Variants in RBFOX3 observed in about 807,000 individuals in gnomAD.
The protein encoded by RBFOX3 is RNA binding fox-1 homolog 3, also known as RNA binding protein fox-1 homolog 3.
A neutral mutation model predicts 48.7 loss-of-function variants in RBFOX3; 17 were observed. That is an observed-to-expected ratio of 0.35 (90% CI 0.24 to 0.52). The LOEUF (loss-of-function observed/expected upper bound fraction) is 0.52. Among genes scored for constraint, RBFOX3 ranks in the 20% least tolerant of loss-of-function variants. RBFOX3 has a pLI of 0.94. For synonymous variants in RBFOX3, 212 were observed against 209.5 expected, an observed-to-expected ratio of 1.01 and a Z score of -0.10; for missense variants, 382 against 497.5, an observed-to-expected ratio of 0.77 and a Z score of 2.21.
intron 2 of RBFOX3, among the ~76,000 whole-genome samples, chr17:79,343,010 G>A (rs1380333486): frequency 2.0e-5 from 3 of 151,938 alleles, no homozygotes; most frequent in African/African-American, 7.2e-5. Flanking sequence ...GAGAAACCTG[G>A]TAATGCTATA....
At chr17:79,469,843 C>T (rs889488501) in intron 2 of RBFOX3, among the ~76,000 whole-genome samples, 7 of 152,194 alleles carry the variant, frequency 4.6e-5, no homozygotes, top group South Asian at 4.2e-4. Context: ...AGCACGTGCA[C>T]GGAGGAGAGG....
In RBFOX3 at chr17:79,195,764, C is replaced by T. The variant is rs2055459477; in HGVS notation, c.-34+40002G>A. Among the ~76,000 whole-genome samples the T allele has an allele frequency of 6.6e-6, 1 of 152,204 alleles. No homozygotes were observed. The highest frequency in any genetic ancestry group is 2.4e-5 in the African/African-American group (1 of 41,432). ...CTCTGTTTTGGGGTTTGGGGATGAG[C>T]TCACAGGCAAATACTTCTGCTTCCT... is the stretch of plus-strand genomic sequence containing the variant. On this transcript the variant is annotated intron_variant, in intron 4 of 14. Transcript: ENST00000693108. This position sits in a 1 kb window ranked among gnomAD's most constrained non-coding sequence, Gnocchi z 5.3.
At chr17:79,383,069 CACACAG>C (rs1205267807) in intron 2 of RBFOX3, among the ~76,000 whole-genome samples, 1 of 144,024 alleles carries the variant, frequency 6.9e-6, no homozygotes, top group African/African-American at 2.5e-5. Context: ...CACACACACA[CACACAG>C]TGTGTAGAAT....
intron 4 of RBFOX3, among the ~76,000 whole-genome samples, chr17:79,227,379 T>G (rs2060430315): frequency 6.6e-6 from 1 of 152,208 alleles, no homozygotes; most frequent in Non-Finnish European, 1.5e-5. Flanking sequence ...GGTGTCCCCA[T>G]GGATGTCAGA....
chr17:79,544,733 C>T (rs928360537), intron 1 of RBFOX3, among the ~76,000 whole-genome samples: 2 of 151,878 alleles, frequency 1.3e-5, no homozygotes, highest in Non-Finnish European at 1.5e-5. Flanking sequence ...TCCCTGGAGC[C>T]GCCTCCTCGA....
chr17:79,632,646 G>A, the RBFOX3 span, among the ~76,000 whole-genome samples: 5 of 151,426 alleles, frequency 3.3e-5, no homozygotes, highest in Admixed American at 6.6e-5. Flanking sequence ...GCTCACACCT[G>A]TAATCCCAGC....
At chr17:79,453,342 G>A (rs1555742809) in intron 2 of RBFOX3, among the ~76,000 whole-genome samples, 1 of 152,220 alleles carries the variant, frequency 6.6e-6, no homozygotes, top group Non-Finnish European at 1.5e-5. Context: ...GGCCAGCAGA[G>A]ATGGCCATAG....
At chr17:79,534,389 C>G (rs1030044823) in intron 1 of RBFOX3, among the ~76,000 whole-genome samples, 3 of 152,192 alleles carry the variant, frequency 2.0e-5, no homozygotes, top group African/African-American at 4.8e-5. Context: ...GCGAGATGCT[C>G]AGGAGTGGCT....
intron 3 of RBFOX3, among the ~76,000 whole-genome samples, chr17:79,265,491 C>T (rs4789978): frequency 0.08 from 12,226 of 152,248 alleles, 593 homozygotes; most frequent in Admixed American, 0.13. Context: ...GTCCACTGGG[C>T]TGCCAGAAGG....
chr17:79,251,637 C>T (rs182024967), intron 3 of RBFOX3, among the ~76,000 whole-genome samples: 45 of 152,254 alleles, frequency 3.0e-4, no homozygotes, highest in Middle Eastern at 3.4e-3. Flanking sequence ...GAACATGGCG[C>T]GGCCTCTGAA....
chr17:79,274,025 G>C (rs56142599), intron 3 of RBFOX3, among the ~76,000 whole-genome samples: 1 of 152,156 alleles, frequency 6.6e-6, no homozygotes. Flanking sequence ...GTGGAGAGAC[G>C]GTTAGGTGTC....
chr17:79,657,421 G>A, the RBFOX3 span, among the ~76,000 whole-genome samples: 1 of 152,210 alleles, frequency 6.6e-6, no homozygotes, highest in East Asian at 1.9e-4. Context: ...GCTCACGCCT[G>A]TAATCCTAGC....
At chr17:79,472,571 G>C (rs944598230) in intron 2 of RBFOX3, among the ~76,000 whole-genome samples, 1 of 152,222 alleles carries the variant, frequency 6.6e-6, no homozygotes, top group African/African-American at 2.4e-5. Context: ...ACAAGCCAAA[G>C]AGAAGCCTTC....
intron 2 of RBFOX3, among the ~76,000 whole-genome samples, chr17:79,342,747 A>G (rs1324474646): frequency 6.6e-6 from 1 of 152,260 alleles, no homozygotes; most frequent in Non-Finnish European, 1.5e-5. Flanking sequence ...AAATCCCAAT[A>G]AATTAAAAAC....
In RBFOX3 at chr17:79,096,739, G is replaced by C; in HGVS notation, c.850C>G (p.Pro284Ala). The C allele has an allele frequency of 6.5e-7, 1 of 1,537,220 alleles. No individual in the cohort carries two copies. The highest frequency in any genetic ancestry group is 8.8e-7 in the Non-Finnish European group (1 of 1,133,852). The part of the protein sequence containing the change: ...PPQQTPEPAY[P>A]TSPAFPPLSC... ...AGTGGTGGGAACGCTGGAGAGGTGG[G>C]GTAGGCCGGCTCCGGTGTCTGCTGA... is the stretch of plus-strand genomic sequence containing the variant. The change falls in exon 12 of 15, where the codon CCC becomes GCC. Residue 284 changes from proline to alanine, a missense_variant. Pro to Ala is a conservative substitution (Grantham distance 27). This residue lies in a region of RBFOX3 where 215 missense variants were observed against 254.8 expected (regional missense o/e 0.84). Coordinates refer to ENST00000693108, the MANE Select transcript of RBFOX3 (RefSeq NM_001350451.2).
At chr17:79,577,346 T>A (rs1232885014) in intron 1 of RBFOX3, among the ~76,000 whole-genome samples, 1 of 152,118 alleles carries the variant, frequency 6.6e-6, no homozygotes, top group Admixed American at 6.5e-5. Flanking sequence ...GCACCCTCCA[T>A]GGGGAAGCAA....
chr17:79,116,056 A>G (rs1016445752), intron 4 of RBFOX3, among the ~76,000 whole-genome samples: 2 of 152,244 alleles, frequency 1.3e-5, no homozygotes, highest in Admixed American at 6.5e-5. Context: ...TTTTAAAAAA[A>G]TTAACCATTT....
rs1270986620 is a variant in RBFOX3, at chr17:79,477,232, C to CA, written c.-175+5221dup. On this transcript the variant is annotated intron_variant, in intron 2 of 14. Coordinates refer to ENST00000693108, the MANE Select transcript of RBFOX3 (RefSeq NM_001350451.2). This position sits in a 1 kb window ranked among gnomAD's most constrained non-coding sequence, Gnocchi z 4.8. ...TGGGTGAAAGAGCAAGGCTCCGTTT[C>CA]AAAAAAAAATAAATAAAGATAAATT... Among the ~76,000 whole-genome samples the CA allele has an allele frequency of 5.1e-4, 41 of 80,380 alleles. No homozygotes were observed. Among genetic ancestry groups the CA allele is most frequent in the East Asian group, 3.4e-3 (11 of 3,218 alleles). The allele number at this position is 80,380 out of a possible 152,430, so 52.7% of individuals were successfully genotyped here.
intron 4 of RBFOX3, among the ~76,000 whole-genome samples, chr17:79,131,199 G>A (rs2038807476): frequency 6.7e-6 from 1 of 148,160 alleles, no homozygotes; most frequent in Admixed American, 6.6e-5. Context: ...TGTGTGCTCC[G>A]TGTGTTCTGT....
Sources: gnomAD v4.1 joint callset for allele counts (sites outside exome capture counted in the v4.1 genomes callset) on GRCh38, gnomAD v4.1.1 for gene constraint, gnomAD v4.1.1 regional missense constraint, Gnocchi (gnomAD v3.1) non-coding constraint, MANE v1.5 for transcripts, NCBI Gene and HGNC (gene_info 2026-07-23, HGNC 2026-07-21) for gene names.